MMS22L: variants seen among roughly 807,000 people sequenced by gnomAD.
MMS22L encodes MMS22 like, DNA repair protein.
A neutral mutation model predicts 159.1 loss-of-function variants in MMS22L; 74 were observed. The observed-to-expected ratio is 0.47, with a 90% CI of 0.39 to 0.56. The LOEUF (loss-of-function observed/expected upper bound fraction) is 0.56, where lower values mean the gene tolerates loss of function less well. MMS22L is among the 20% of genes least tolerant of loss of function. MMS22L has a pLI of 0.00. For missense variants in MMS22L, 1,351 were observed against 1,422.1 expected (o/e 0.95, Z 0.80); for synonymous variants, 517 against 506.9 (o/e 1.02, Z -0.27).
intron 14 of MMS22L, among the ~76,000 whole-genome samples, chr6:97,222,811 T>G (rs537297345): frequency 6.6e-6 from 1 of 152,064 alleles, no homozygotes; most frequent in Non-Finnish European, 1.5e-5. Flanking sequence ...AGGTTTATAA[T>G]GGAAATGCTG....
chr6:97,163,590 A>C (rs1445380870), intron 21 of MMS22L, among the ~76,000 whole-genome samples: 2 of 152,206 alleles, frequency 1.3e-5, no homozygotes, highest in Non-Finnish European at 2.9e-5. Flanking sequence ...TCTGTCATTT[A>C]GTTTGTACTA....
intron 19 of MMS22L, 46 bp downstream of exon 19, chr6:97,173,017 C>A: frequency 6.3e-7 from 1 of 1,584,868 alleles, no homozygotes; most frequent in South Asian, 1.2e-5. Flanking sequence ...AGTATAGGCT[C>A]AACCTAAGGA....
intron 14 of MMS22L, among the ~76,000 whole-genome samples, chr6:97,194,349 C>T (rs1451106036): frequency 6.6e-6 from 1 of 152,136 alleles, no homozygotes; most frequent in Non-Finnish European, 1.5e-5. Flanking sequence ...AGCCACCATG[C>T]CCGGCCGAGG....
chr6:97,243,775 T>G (rs961273506), intron 11 of MMS22L, among the ~76,000 whole-genome samples: 4 of 152,136 alleles, frequency 2.6e-5, no homozygotes, highest in African/African-American at 9.7e-5. Context: ...GGGTGATCCC[T>G]TGATGTGGTG....
rs1310512028 is a variant in MMS22L, at chr6:97,145,021, A to C, written c.*1785T>G. 5 of 90,732 alleles carry C rather than the reference A, an allele frequency of 5.5e-5. No homozygotes were observed. The highest frequency in any genetic ancestry group is 1.8e-4 in the African/African-American group (4 of 21,828). 5.6% of individuals were successfully genotyped at this position (90,732 alleles called of 1,614,324 possible). On this transcript the variant is annotated 3_prime_UTR_variant, in exon 25 of 25. Transcript: ENST00000683635. ...TTATCAATCTCCTTTGGAAAAAAAA[A>C]ACCCACACACACACACACACACACA... is the stretch of plus-strand genomic sequence containing the variant.
chr6:97,193,025 A>G (rs758769125), intron 14 of MMS22L, among the ~76,000 whole-genome samples: 20 of 152,168 alleles, frequency 1.3e-4, no homozygotes, highest in Non-Finnish European at 2.4e-4. Flanking sequence ...ACACAAATAA[A>G]TAATACATGC....
At chr6:97,161,376 G>A (rs1562401427) in intron 22 of MMS22L, among the ~76,000 whole-genome samples, 1 of 151,972 alleles carries the variant, frequency 6.6e-6, no homozygotes, top group Non-Finnish European at 1.5e-5. Flanking sequence ...ATACACTGGG[G>A]CATAAATTGC....
intron 10 of MMS22L, among the ~76,000 whole-genome samples, chr6:97,252,594 G>A (rs537269422): frequency 3.3e-5 from 5 of 149,410 alleles, no homozygotes; most frequent in Admixed American, 2.0e-4. Flanking sequence ...GCAGTAAGCC[G>A]AGATCACGCC....
intron 3 of MMS22L, among the ~76,000 whole-genome samples, chr6:97,279,243 G>C (rs1473207762): frequency 5.9e-5 from 9 of 152,260 alleles, no homozygotes; most frequent in Non-Finnish European, 1.2e-4. Flanking sequence ...CAGCACTTTG[G>C]GAGGCCGAGG....
At chr6:97,151,592 C>T (rs1015959362) in intron 23 of MMS22L, 179 bp downstream of exon 23, 38 of 530,768 alleles carry the variant, frequency 7.2e-5, no homozygotes, top group Middle Eastern at 1.0e-3. Flanking sequence ...TTCACTGGCA[C>T]TTTTATTTTT....
At chr6:97,234,385 A>G (rs1811180665) in intron 11 of MMS22L, among the ~76,000 whole-genome samples, 1 of 152,210 alleles carries the variant, frequency 6.6e-6, no homozygotes, top group Non-Finnish European at 1.5e-5. Flanking sequence ...AAATCTTTTT[A>G]TAGGATTATA....
chr6:97,178,671 A>G, intron 17 of MMS22L, 86 bp from the exon 18 acceptor site: 1 of 619,268 alleles, frequency 1.6e-6, no homozygotes, highest in Non-Finnish European at 2.5e-6. Context: ...TATAATGTAT[A>G]TATGAGAAGT....
At chr6:97,225,373 CT>C (rs1052626519) in intron 14 of MMS22L, among the ~76,000 whole-genome samples, 33 of 146,954 alleles carry the variant, frequency 2.2e-4, no homozygotes, top group East Asian at 7.9e-4. Context: ...CATTTCTTAC[CT>C]TTTTTTTTTT....
At chr6:97,179,350 C>G (rs1238575117) in intron 17 of MMS22L, 58 bp downstream of exon 17, 1 of 1,452,330 alleles carries the variant, frequency 6.9e-7, no homozygotes, top group Non-Finnish European at 9.4e-7. Flanking sequence ...ATGATCTAGA[C>G]AGCAAATAGC....
intron 7 of MMS22L, 83 bp from the exon 8 acceptor site, chr6:97,268,085 A>G: frequency 1.0e-6 from 1 of 979,094 alleles, no homozygotes; most frequent in Non-Finnish European, 1.4e-6. Flanking sequence ...TTTAAATTAT[A>G]ACAAAACTAA....
chr6:97,283,816 T>A (rs922114966), upstream of MMS22L, among the ~76,000 whole-genome samples: 6 of 152,196 alleles, frequency 3.9e-5, no homozygotes, highest in Admixed American at 1.3e-4. Flanking sequence ...ACAAATGTCA[T>A]CAACTTTAAA....
intron 10 of MMS22L, among the ~76,000 whole-genome samples, chr6:97,247,780 A>G (rs1186431751): frequency 1.3e-5 from 2 of 152,182 alleles, no homozygotes; most frequent in African/African-American, 4.8e-5. Flanking sequence ...CTTAAAAAGT[A>G]AAAGAAAGAC....
chr6:97,178,577 ACT>A lies in MMS22L; in HGVS notation c.2543_2544del (p.Glu848ValfsTer14), dbSNP rs780133437. Reference sequence around the variant, plus strand: ...GTCAGTTTGACCAACTGTTTCATGTACTCTTTTTCTGTTAAAATAAAATAGTA... The same window carrying A: ...GTCAGTTTGACCAACTGTTTCATGTACTTTTTCTGTTAAAATAAAATAGTA... ...DKNLEEAVEK[E>X]YMKQLVKLTR... On this transcript the variant is annotated frameshift_variant, in exon 18 of 25. Coordinates refer to ENST00000683635, the MANE Select transcript of MMS22L (RefSeq NM_001350599.2). LOFTEE classifies it high-confidence loss of function. 6.6e-7 allele frequency: 1 copy of A among 1,504,096 alleles called. No individual in the cohort carries two copies. Among genetic ancestry groups the A allele is most frequent in the Non-Finnish European group, 9.1e-7 (1 of 1,102,944 alleles). 93.2% of individuals were successfully genotyped at this position (1,504,096 alleles called of 1,614,324 possible).
chr6:97,226,587 T>G (rs900587926), intron 14 of MMS22L, among the ~76,000 whole-genome samples: 3 of 151,946 alleles, frequency 2.0e-5, no homozygotes, highest in Non-Finnish European at 2.9e-5. Flanking sequence ...AGAGTGAAAC[T>G]CCGTCTCAAA....
Sources: allele counts gnomAD v4.1 joint callset (sites outside exome capture counted in the v4.1 genomes callset), GRCh38; gene constraint gnomAD v4.1.1; transcripts MANE v1.5; gene names NCBI Gene and HGNC (gene_info 2026-07-23, HGNC 2026-07-21).